The following PPP6R1 variants were observed in gnomAD, a reference collection of about 807,000 sequenced individuals.
PPP6R1 encodes the protein serine/threonine-protein phosphatase 6 regulatory subunit 1.
A neutral mutation model predicts 104.6 loss-of-function variants in PPP6R1; 39 were observed. That is an observed-to-expected ratio of 0.37 (90% CI 0.29 to 0.49). The LOEUF is 0.49. Ranked by LOEUF, PPP6R1 falls within the 20% of genes least tolerant of loss-of-function variation. PPP6R1 has a pLI of 0.98. For missense variants in PPP6R1, 1,181 were observed against 1,155.8 expected, an observed-to-expected ratio of 1.02 and a Z score of -0.32; for synonymous variants, 549 against 479.0, an observed-to-expected ratio of 1.15 and a Z score of -1.91.
intron 1 of PPP6R1, chr19:55,247,480 C>T (rs1321380657): frequency 1.8e-5 from 4 of 228,374 alleles, no homozygotes; most frequent in Non-Finnish European, 3.5e-5. Flanking sequence ...GAGGCTGGAC[C>T]CTGTGCACTG....
chr19:55,231,685 G>C lies in PPP6R1; in HGVS notation c.2307-17C>G, dbSNP rs775954128. Reference sequence around the variant, plus strand: ...TCCTGAGACCTGGTAGGCGAGAGAGGCAGCCCAAGGGGGCAGCTAGGGTTA... The same window carrying C: ...TCCTGAGACCTGGTAGGCGAGAGAGCCAGCCCAAGGGGGCAGCTAGGGTTA... On this transcript the variant is annotated splice_polypyrimidine_tract_variant and intron_variant, in intron 19 of 23. Coordinates refer to ENST00000412770, the MANE Select transcript of PPP6R1 (RefSeq NM_014931.4). 12 of 1,586,784 alleles carry C rather than the reference G, an allele frequency of 7.6e-6. No homozygotes were observed. In the East Asian group the frequency reaches 2.2e-4, roughly 30 times the overall value.
At chr19:55,240,550 CACACACAT>C (rs1334447531) in intron 10 of PPP6R1, among the ~76,000 whole-genome samples, 10 of 150,342 alleles carry the variant, frequency 6.7e-5, no homozygotes, top group East Asian at 5.8e-4. Flanking sequence ...CACACACACA[CACACACAT>C]GCATGCACTA....
chr19:55,253,971 A>G (rs1419459168), intron 1 of PPP6R1, among the ~76,000 whole-genome samples: 1 of 152,224 alleles, frequency 6.6e-6, no homozygotes, highest in Non-Finnish European at 1.5e-5. Flanking sequence ...GGTGGCCGTG[A>G]CACAGCAGGA....
chr19:55,232,533 C>T, intron 17 of PPP6R1: 1 of 325,106 alleles, frequency 3.1e-6, no homozygotes, highest in Non-Finnish European at 5.7e-6. Context: ...ACCCACTCAC[C>T]AGCTCTCAAG....
intron 5 of PPP6R1, among the ~76,000 whole-genome samples, chr19:55,243,687 C>T (rs1006573257): frequency 5.9e-5 from 9 of 152,098 alleles, no homozygotes; most frequent in African/African-American, 1.7e-4. Context: ...ACGGCCTCTA[C>T]ATCACCCCAG....
rs773541244 is a variant in PPP6R1, at chr19:55,231,583, C to T, written c.2377+15G>A. 1.2e-6 allele frequency: 2 copies of T among 1,608,312 alleles called. No homozygotes were observed. Among genetic ancestry groups the T allele is most frequent in the South Asian group, 1.1e-5 (1 of 89,896 alleles). On this transcript the variant is annotated intron_variant, in intron 20 of 23. Transcript: ENST00000412770. The stretch of plus-strand genomic sequence containing the variant: ...TGCCCAGGGCCGCGGGTGGGCAGGG[C>T]AAAGCGGGGCTCACCTGAGGGCTCC...
intron 1 of PPP6R1, among the ~76,000 whole-genome samples, chr19:55,249,375 G>A (rs1162009279): frequency 6.6e-6 from 1 of 152,100 alleles, no homozygotes; most frequent in Non-Finnish European, 1.5e-5. Context: ...CCTAGTAGCT[G>A]GTACTACAAG....
chr19:55,232,472 A>G, intron 17 of PPP6R1: 1 of 476,030 alleles, frequency 2.1e-6, no homozygotes, highest in South Asian at 3.5e-5. Context: ...CGTGGAGGGC[A>G]GGCCCTGGGG....
chr19:55,230,315 A>C lies in PPP6R1; in HGVS notation c.*213T>G, dbSNP rs1030858143. On this transcript the variant is annotated 3_prime_UTR_variant, in exon 24 of 24. Coordinates refer to ENST00000412770, the MANE Select transcript of PPP6R1 (RefSeq NM_014931.4). ...ATTTGACTCTCTGTATCTTTATTCTAGGAGGCAACGCTCCAAAACTTCTCT... is the reference window on the plus strand; with the variant it reads ...ATTTGACTCTCTGTATCTTTATTCTCGGAGGCAACGCTCCAAAACTTCTCT... 21 of 613,544 alleles carry C rather than the reference A, an allele frequency of 3.4e-5. No individual in the cohort carries two copies. In the African/African-American group the frequency reaches 3.9e-4, roughly 11 times the overall value. The allele number at this position is 613,544 out of a possible 1,614,324, so 38.0% of individuals were successfully genotyped here.
At chr19:55,246,840 T>C (rs759780046) in intron 2 of PPP6R1, 37 bp downstream of exon 2, 12 of 1,498,204 alleles carry the variant, frequency 8.0e-6, no homozygotes, top group South Asian at 3.8e-5. Context: ...TGTGTGATGC[T>C]GATAGGGACG....
intron 17 of PPP6R1, among the ~76,000 whole-genome samples, chr19:55,234,297 T>C (rs1479849166): frequency 6.6e-6 from 1 of 152,200 alleles, no homozygotes; most frequent in African/African-American, 2.4e-5. Context: ...CAGGCCAGTG[T>C]GGTACTGGAT....
chr19:55,253,682 T>A (rs1444977529), intron 1 of PPP6R1, among the ~76,000 whole-genome samples: 1 of 152,124 alleles, frequency 6.6e-6, no homozygotes, highest in African/African-American at 2.4e-5. Flanking sequence ...CTAAACAGAA[T>A]GAAGATGCAA....
intron 17 of PPP6R1, among the ~76,000 whole-genome samples, chr19:55,236,051 A>T (rs1001515722): frequency 2.0e-5 from 3 of 150,618 alleles, no homozygotes; most frequent in Non-Finnish European, 4.4e-5. Flanking sequence ...GCTAGGTCTC[A>T]AACTCCTGAG....
In PPP6R1 at chr19:55,245,438, G is replaced by C. The variant is rs1320025146; in HGVS notation, c.415-36C>G. ...ACGGGCTGCGTCATGCACAGGGCCT[G>C]GCCCAGCCACCACCCCTCAACCCAC... On this transcript the variant is annotated intron_variant, in intron 3 of 23. Transcript: ENST00000412770. The surrounding 1 kb of genome is among the most constrained non-coding windows in gnomAD (Gnocchi z 6.4). 1.2e-6 allele frequency: 2 copies of C among 1,612,326 alleles called. No homozygotes were observed. The highest frequency in any genetic ancestry group is 2.7e-5 in the African/African-American group (2 of 74,924).
At chr19:55,243,147 G>C (rs539035772) in intron 5 of PPP6R1, among the ~76,000 whole-genome samples, 5 of 152,270 alleles carry the variant, frequency 3.3e-5, no homozygotes, top group African/African-American at 1.2e-4. Context: ...GGGCGCGGTG[G>C]CTCACGCCTG....
rs950111228 is a variant in PPP6R1, at chr19:55,230,624, G to C, written c.2631C>G (p.Ser877=). ...PNGSAPEGPA[S]PGSQ ...GCAGCCACACTCACTGGGAGCCTGG[G>C]GATGCAGGCCCTTCCGGGGCAGAGC... The change falls in exon 23 of 24, where the codon TCC becomes TCG. Residue 877 remains serine (S), a synonymous_variant. Coordinates refer to ENST00000412770, the MANE Select transcript of PPP6R1 (RefSeq NM_014931.4). 9 of 1,612,116 alleles carry C rather than the reference G, an allele frequency of 5.6e-6. No homozygotes were observed. Among genetic ancestry groups the C allele is most frequent in the Middle Eastern group, 1.7e-4 (1 of 6,030 alleles).
rs1568942464 is a variant in PPP6R1, at chr19:55,231,542, GCCAGGCTGCTCTCTCTGC to G, written c.2377+38_2378-52del. ...GCAGCTCCCAGCAAGCTCGGAGCTGGCCAGGCTGCTCTCTCTGCCCAGGGCCGCGGGTGGGCAGGGCAA... is the reference window on the plus strand; with the variant it reads ...GCAGCTCCCAGCAAGCTCGGAGCTGGCCAGGGCCGCGGGTGGGCAGGGCAA... On this transcript the variant is annotated intron_variant, in intron 20 of 23. Coordinates refer to ENST00000412770, the MANE Select transcript of PPP6R1 (RefSeq NM_014931.4). 3 of 1,598,028 alleles carry G rather than the reference GCCAGGCTGCTCTCTCTGC, an allele frequency of 1.9e-6. No individual in the cohort carries two copies. In the East Asian group the frequency reaches 6.8e-5, roughly 36 times the overall value.
downstream of PPP6R1, chr19:55,229,276 C>A (rs1249359174): frequency 1.3e-5 from 2 of 156,988 alleles, no homozygotes; most frequent in Non-Finnish European, 2.8e-5. Flanking sequence ...GGGACCACCA[C>A]GAATGCGGGG....
At chr19:55,252,073 T>C (rs758566306) in intron 1 of PPP6R1, among the ~76,000 whole-genome samples, 2 of 151,932 alleles carry the variant, frequency 1.3e-5, no homozygotes, top group African/African-American at 4.8e-5. Flanking sequence ...GGCAAATCCA[T>C]AGAGACAGAA....
Sources: gnomAD v4.1 joint callset for allele counts (sites outside exome capture counted in the v4.1 genomes callset) on GRCh38, gnomAD v4.1.1 for gene constraint, Gnocchi (gnomAD v3.1) non-coding constraint, MANE v1.5 for transcripts, NCBI Gene and HGNC (gene_info 2026-07-23, HGNC 2026-07-21) for gene names.